The following IQCK variants were observed in gnomAD, a reference collection of about 807,000 sequenced individuals.
IQCK encodes IQ domain-containing protein K.
A neutral mutation model predicts 28.1 loss-of-function variants in IQCK; 29 were observed. The ratio of observed to expected loss-of-function variants is 1.03; its 90% CI spans 0.77 to 1.41. IQCK has a LOEUF of 1.41. Ranked by LOEUF, IQCK falls within the 40% of genes most tolerant of loss-of-function variation. The pLI is 0.00. For synonymous variants in IQCK, 113 were observed against 115.1 expected (o/e 0.98, Z 0.12); for missense variants, 359 against 314.7 (o/e 1.14, Z -1.07).
chr16:19,826,959 C>A, intron 7 of IQCK, 67 bp from the exon 8 acceptor site: 3 of 975,896 alleles, frequency 3.1e-6, no homozygotes, highest in Non-Finnish European at 4.9e-6. Context: ...ATTTTCCATG[C>A]AGGGTTAATA....
chr16:19,732,765 A>AT (rs1461953545), intron 2 of IQCK, among the ~76,000 whole-genome samples: 2 of 152,004 alleles, frequency 1.3e-5, no homozygotes, highest in African/African-American at 2.4e-5. Context: ...ACCCAGCACA[A>AT]TTTTTTTTCT....
rs201708824 is a variant in IQCK, at chr16:19,735,318, G to T, written c.377-35G>T. 9.5e-5 allele frequency: 141 copies of T among 1,479,754 alleles called. No individual in the cohort carries two copies. In the African/African-American group the frequency reaches 1.8e-3, roughly 19 times the overall value. 91.7% of individuals were successfully genotyped at this position (1,479,754 alleles called of 1,614,324 possible). On this transcript the variant is annotated intron_variant, in intron 3 of 7. Coordinates refer to ENST00000564186, the Ensembl canonical transcript of IQCK. Reference sequence around the variant, plus strand: ...TCCCAGATTGGCTCGGGCCACTGGGGATTTGCAGGGGGAATTTTTGTTTGT... The same window carrying T: ...TCCCAGATTGGCTCGGGCCACTGGGTATTTGCAGGGGGAATTTTTGTTTGT...
At chr16:19,760,827 GC>G (rs1194935808) in intron 4 of IQCK, among the ~76,000 whole-genome samples, 5 of 152,192 alleles carry the variant, frequency 3.3e-5, no homozygotes, top group African/African-American at 9.7e-5. Context: ...AAACAGAGCA[GC>G]CCCGAGGGCT....
rs151172167 is a variant in IQCK, at chr16:19,792,632, C to T, written c.690+3710C>T. Among the ~76,000 whole-genome samples, 83 of 91,300 alleles carry T rather than the reference C, an allele frequency of 9.1e-4. 2 individuals carry two copies. The African/African-American group carries it at 9.7e-3, about 11-fold the overall frequency. 59.9% of individuals were successfully genotyped at this position (91,300 alleles called of 152,430 possible). On this transcript the variant is annotated intron_variant, in intron 7 of 7. Transcript: ENST00000564186. ...TGTTGCCCATGCTGGAGTGCGGTGGCGTGATCTCAGCTCACTGCAACCTCC... is the reference window on the plus strand; with the variant it reads ...TGTTGCCCATGCTGGAGTGCGGTGGTGTGATCTCAGCTCACTGCAACCTCC...
intron 7 of IQCK, among the ~76,000 whole-genome samples, chr16:19,806,709 A>G (rs1008295414): frequency 2.4e-5 from 1 of 41,754 alleles, no homozygotes; most frequent in African/African-American, 8.8e-5. Flanking sequence ...CCACCCCCCC[A>G]CCCCCCAAAA....
intron 4 of IQCK, among the ~76,000 whole-genome samples, chr16:19,758,589 A>T (rs1357406881): frequency 6.6e-6 from 1 of 151,918 alleles, no homozygotes; most frequent in Non-Finnish European, 1.5e-5. Context: ...TGTTTAAATT[A>T]TTATACGGCA....
intron 5 of IQCK, 63 bp from the exon 6 acceptor site, chr16:19,763,972 A>G: frequency 6.3e-7 from 1 of 1,597,538 alleles, no homozygotes; most frequent in South Asian, 1.1e-5. Flanking sequence ...CAGAATAGCA[A>G]CAACTGACTT....
intron 4 of IQCK, among the ~76,000 whole-genome samples, chr16:19,754,667 A>G (rs895429996): frequency 5.3e-5 from 8 of 151,320 alleles, no homozygotes; most frequent in Non-Finnish European, 1.2e-4. Flanking sequence ...TTCCTTGCCC[A>G]TCTCATAGTC....
chr16:19,793,663 T>TTTG (rs2055655505), intron 7 of IQCK, among the ~76,000 whole-genome samples: 2 of 133,106 alleles, frequency 1.5e-5, no homozygotes, highest in African/African-American at 6.6e-5. Context: ...TTTTTTTTTT[T>TTTG]TTTTTTTTTT....
At chr16:19,784,204 C>T (rs554021497) in intron 6 of IQCK, among the ~76,000 whole-genome samples, 6 of 152,192 alleles carry the variant, frequency 3.9e-5, no homozygotes, top group Non-Finnish European at 8.8e-5. Context: ...CTGCACCCTC[C>T]CTGCCCCCAT....
chr16:19,815,885 T>C (rs1218517845), intron 7 of IQCK, among the ~76,000 whole-genome samples: 2 of 152,240 alleles, frequency 1.3e-5, no homozygotes, highest in African/African-American at 2.4e-5. Flanking sequence ...ATACTTCCTT[T>C]ATGTTGAAAT....
intron 9 of IQCK, among the ~76,000 whole-genome samples, chr16:19,850,532 A>G (rs921511638): frequency 1.1e-4 from 16 of 152,144 alleles, no homozygotes; most frequent in African/African-American, 3.6e-4. Flanking sequence ...AGCGTGAGCC[A>G]GTCTCCTCCT....
intron 6 of IQCK, among the ~76,000 whole-genome samples, chr16:19,771,771 T>G (rs1040646422): frequency 2.6e-5 from 4 of 152,110 alleles, no homozygotes; most frequent in Non-Finnish European, 4.4e-5. Context: ...AGAGAAAAAT[T>G]GAGGTGGAGG....
rs545132637 is a variant in IQCK at position 19,753,347 on chromosome 16, G to A, written c.475-10501G>A. The stretch of plus-strand genomic sequence containing the variant: ...AAGCTGAGGCAGGAAGATCCCTTGA[G>A]CCTAGGAATTCAAGGCTGCAGTGAA... On this transcript the variant is annotated intron_variant, in intron 4 of 7. Transcript: ENST00000564186. Among the ~76,000 whole-genome samples, 3 of 152,206 alleles carry A rather than the reference G, an allele frequency of 2.0e-5. No individual in the cohort carries two copies. The East Asian group carries it at 5.8e-4, about 29-fold the overall frequency.
intron 4 of IQCK, among the ~76,000 whole-genome samples, chr16:19,741,653 A>G (rs1035482408): frequency 3.3e-5 from 5 of 152,130 alleles, no homozygotes; most frequent in African/African-American, 1.2e-4. Context: ...AAATTGTATA[A>G]TGAATGATAA....
intron 6 of IQCK, among the ~76,000 whole-genome samples, chr16:19,766,811 C>T (rs2055244651): frequency 6.6e-6 from 1 of 152,172 alleles, no homozygotes; most frequent in South Asian, 2.1e-4. Flanking sequence ...AGTTTCAAAA[C>T]TTTAAAGCAG....
chr16:19,828,231 C>CTTT (rs749049124), downstream of IQCK, among the ~76,000 whole-genome samples: 14 of 107,248 alleles, frequency 1.3e-4, no homozygotes, highest in Non-Finnish European at 1.6e-4. Context: ...TCTTTCTTTT[C>CTTT]TTTTTTTTTT....
At chr16:19,757,785 G>A (rs1384110242) in intron 4 of IQCK, among the ~76,000 whole-genome samples, 2 of 152,086 alleles carry the variant, frequency 1.3e-5, no homozygotes, top group African/African-American at 2.4e-5. Flanking sequence ...TCAGATAGAT[G>A]AACTGAGAGA....
At position 19,773,218 on chromosome 16, in the gene IQCK, A is replaced by G. The variant is rs1276001994; in HGVS notation, c.605+9106A>G. 2.0e-5 allele frequency among the ~76,000 whole-genome samples: 3 copies of G among 152,056 alleles called. No individual in the cohort carries two copies. In the East Asian group the frequency reaches 5.8e-4, roughly 29 times the overall value. The stretch of plus-strand genomic sequence containing the variant: ...GAGCATGCTGAGAAACTCAAATGGC[A>G]TTGAGGGAAAATGGCCCTGGGGAAA... On this transcript the variant is annotated intron_variant, in intron 6 of 7. Coordinates refer to ENST00000564186, the Ensembl canonical transcript of IQCK.
Sources: allele counts gnomAD v4.1 joint callset (sites outside exome capture counted in the v4.1 genomes callset), GRCh38; gene constraint gnomAD v4.1.1; transcripts MANE v1.5; gene names NCBI Gene and HGNC (gene_info 2026-07-23, HGNC 2026-07-21).